The following CDH11 variants were observed in gnomAD, a reference collection of about 807,000 sequenced individuals.
CDH11 encodes the protein cadherin 11.
CDH11 carries 11 observed loss-of-function variants against 67.8 expected under a neutral mutation model. That is an observed-to-expected ratio of 0.16 (90% CI 0.10 to 0.27). The LOEUF is 0.27. Ranked by LOEUF, CDH11 falls within the 10% of genes least tolerant of loss-of-function variation. The pLI is 1.00. For missense variants in CDH11, 847 were observed against 1,031.2 expected (o/e 0.82, Z 2.45); for synonymous variants, 419 against 400.0 (o/e 1.05, Z -0.57).
At chr16:64,998,249 A>G (rs892356710) in intron 4 of CDH11, among the ~76,000 whole-genome samples, 4 of 152,228 alleles carry the variant, frequency 2.6e-5, no homozygotes, top group Admixed American at 6.5e-5. Flanking sequence ...AATCATTGCA[A>G]AAGCTAAATA....
chr16:65,036,931 G>C (rs924108701), intron 2 of CDH11, among the ~76,000 whole-genome samples: 1 of 152,168 alleles, frequency 6.6e-6, no homozygotes, highest in African/African-American at 2.4e-5. Context: ...GAAAGAAGAT[G>C]GCAGGGCAGA....
At chr16:64,948,997 T>C (rs528929824) in intron 12 of CDH11, among the ~76,000 whole-genome samples, 53 of 152,338 alleles carry the variant, frequency 3.5e-4, no homozygotes, top group African/African-American at 1.2e-3. Flanking sequence ...GAAGAAGGAA[T>C]GAGAGATTGT....
Position 64,999,043 on chromosome 16 carries a change from G to T in CDH11, c.229-187C>A, listed in dbSNP as rs139940507. ...TCATAGCCTTGGCCAAGGTCACACT[G>T]CAGAACAGTGAAGCCAGAGTTCAAA... On this transcript the variant is annotated intron_variant, in intron 3 of 12. Transcript: ENST00000268603. Among the ~76,000 whole-genome samples, 839 of 152,210 alleles carry T rather than the reference G, an allele frequency of 5.5e-3. 8 individuals are homozygous for T. The highest frequency in any genetic ancestry group is 0.022 in the South Asian group (105 of 4,818).
chr16:65,031,789 T>G (rs568773303), intron 2 of CDH11, among the ~76,000 whole-genome samples: 2 of 152,282 alleles, frequency 1.3e-5, no homozygotes, highest in African/African-American at 4.8e-5. Context: ...AAGAAAATGC[T>G]GAGATTCATG....
intron 4 of CDH11, among the ~76,000 whole-genome samples, chr16:64,993,744 C>G (rs1388659837): frequency 6.6e-6 from 1 of 152,140 alleles, no homozygotes; most frequent in African/African-American, 2.4e-5. Context: ...TTCCTAAAAA[C>G]AACCTTTGTT....
intron 2 of CDH11, among the ~76,000 whole-genome samples, chr16:65,029,102 A>G (rs2142611297): frequency 6.6e-6 from 1 of 152,334 alleles, no homozygotes; most frequent in East Asian, 1.9e-4. Context: ...TCTAACCACA[A>G]TAAAATAAAC....
At chr16:65,037,292 C>T (rs929603190) in intron 2 of CDH11, among the ~76,000 whole-genome samples, 15 of 152,158 alleles carry the variant, frequency 9.9e-5, no homozygotes, top group East Asian at 1.9e-4. Context: ...CCCACCACCC[C>T]GATTTCCTCA....
chr16:65,107,721 C>T (rs950313327), intron 1 of CDH11, among the ~76,000 whole-genome samples: 4 of 152,202 alleles, frequency 2.6e-5, no homozygotes, highest in Non-Finnish European at 4.4e-5. Flanking sequence ...CCTGTGCATT[C>T]ACATCCAGGT....
intron 1 of CDH11, among the ~76,000 whole-genome samples, chr16:65,074,438 T>C (rs1315041802): frequency 6.6e-6 from 1 of 152,190 alleles, no homozygotes; most frequent in Non-Finnish European, 1.5e-5. Flanking sequence ...TGAACCTCAG[T>C]TTCTCTACAT....
At chr16:64,990,056 TAAAAAAA>T (rs200418791) in intron 6 of CDH11, among the ~76,000 whole-genome samples, 7 of 151,552 alleles carry the variant, frequency 4.6e-5, no homozygotes, top group Non-Finnish European at 7.4e-5. Context: ...TGTGAAGGTT[TAAAAAAA>T]AATGTCCTAT....
chr16:65,050,630 T>C (rs1036715804), intron 2 of CDH11, among the ~76,000 whole-genome samples: 5 of 151,924 alleles, frequency 3.3e-5, no homozygotes, highest in Non-Finnish European at 4.4e-5. Context: ...AGAAGAAGCT[T>C]AACCTGAAAA....
chr16:65,036,672 A>C (rs1056431199), intron 2 of CDH11, among the ~76,000 whole-genome samples: 21 of 152,244 alleles, frequency 1.4e-4, no homozygotes, highest in Middle Eastern at 6.8e-3. Context: ...ATGTTCTACT[A>C]AGACAGACCT....
rs2142458581 is a variant in CDH11, at chr16:64,982,082, C to T, written c.1219G>A (p.Ala407Thr). The T allele has an allele frequency of 6.2e-7, 1 of 1,613,924 alleles. No homozygotes were observed. Among genetic ancestry groups the T allele is most frequent in the Admixed American group, 1.7e-5 (1 of 60,008 alleles). Residue 407 changes from alanine (A) to threonine (T), a missense_variant, in exon 8 of 13, where the codon GCC (alanine) becomes ACC (threonine). Physicochemically the swap from Ala to Thr is moderately conservative, Grantham distance 58. Transcript: ENST00000268603. Reference sequence around the variant, plus strand: ...CTGTTGGCAGCATCAGGGTCTTTGGCATGCACTCTCCCAACCACGGTGCCA... The same window carrying T: ...CTGTTGGCAGCATCAGGGTCTTTGGTATGCACTCTCCCAACCACGGTGCCA... ...AAGTVVGRVHAKDPDAANSPI... is the reference protein window; with the variant it reads ...AAGTVVGRVHTKDPDAANSPI...
chr16:65,091,036 T>C (rs543979449), intron 1 of CDH11, among the ~76,000 whole-genome samples: 3 of 152,364 alleles, frequency 2.0e-5, no homozygotes, highest in Admixed American at 1.3e-4. Flanking sequence ...CATGCTCTGA[T>C]ATACGCATAA....
intron 2 of CDH11, among the ~76,000 whole-genome samples, chr16:65,053,197 G>C (rs1037622299): frequency 3.9e-5 from 6 of 152,206 alleles, no homozygotes; most frequent in African/African-American, 1.4e-4. Context: ...AGCAGATGGA[G>C]AAGGTAAATG....
At chr16:64,972,123 G>A (rs2072023682) in intron 9 of CDH11, 59 bp from the exon 10 acceptor site, 1 of 1,512,110 alleles carries the variant, frequency 6.6e-7, no homozygotes, top group African/African-American at 1.4e-5. Flanking sequence ...CATTGGTCCA[G>A]GCATATTCTT....
chr16:64,953,589 T>C (rs1044243015), intron 11 of CDH11, among the ~76,000 whole-genome samples: 4 of 152,128 alleles, frequency 2.6e-5, no homozygotes, highest in Non-Finnish European at 5.9e-5. Flanking sequence ...GCTAGTCAAG[T>C]AAAATAGTAA....
rs534799539 is a variant in CDH11 at position 65,057,631 on chromosome 16, G to A, written c.-297-3703C>T. 7.2e-5 allele frequency among the ~76,000 whole-genome samples: 11 copies of A among 152,260 alleles called. No individual in the cohort carries two copies. In the South Asian group the frequency reaches 1.7e-3, roughly 23 times the overall value. On this transcript the variant is annotated intron_variant, in intron 1 of 12. Coordinates refer to ENST00000268603, the MANE Select transcript of CDH11 (RefSeq NM_001797.4). ...TCTGATTGTGTGGAAGGCTCAGTACGTGCAGAGCCATATCCTTCCTTTTTC... is the reference window on the plus strand; with the variant it reads ...TCTGATTGTGTGGAAGGCTCAGTACATGCAGAGCCATATCCTTCCTTTTTC...
chr16:65,019,939 A>G (rs1302475593), intron 2 of CDH11, among the ~76,000 whole-genome samples: 1 of 152,180 alleles, frequency 6.6e-6, no homozygotes, highest in Non-Finnish European at 1.5e-5. Flanking sequence ...ATCTTTTACC[A>G]AAAACACATT....
Sources: allele counts gnomAD v4.1 joint callset (sites outside exome capture counted in the v4.1 genomes callset), GRCh38; gene constraint gnomAD v4.1.1; transcripts MANE v1.5; gene names NCBI Gene and HGNC (gene_info 2026-07-23, HGNC 2026-07-21).